Variants in STK39 observed in about 807,000 individuals in gnomAD.
The protein encoded by STK39 is STE20/SPS1-related proline-alanine-rich protein kinase.
Under a neutral mutation model 77.8 loss-of-function variants are expected in STK39, and 20 were observed. That is an observed-to-expected ratio of 0.26 (90% CI 0.18 to 0.37). STK39 has a LOEUF of 0.37. Ranked by LOEUF, STK39 falls within the 10% of genes least tolerant of loss-of-function variation. STK39 has a pLI of 1.00. For missense variants in STK39, 479 were observed against 656.5 expected, an observed-to-expected ratio of 0.73 and a Z score of 2.95; for synonymous variants, 246 against 234.1, an observed-to-expected ratio of 1.05 and a Z score of -0.47.
At chr2:168,081,424 A>G (rs958308499) in intron 10 of STK39, among the ~76,000 whole-genome samples, 11 of 152,160 alleles carry the variant, frequency 7.2e-5, no homozygotes, top group Non-Finnish European at 1.6e-4. Flanking sequence ...TGGTTTGGCC[A>G]ATTTCTCCCA....
intron 16 of STK39, among the ~76,000 whole-genome samples, chr2:167,975,543 C>A (rs887115061): frequency 6.6e-6 from 1 of 152,144 alleles, no homozygotes; most frequent in Non-Finnish European, 1.5e-5. Flanking sequence ...AGGCCGGGCA[C>A]GGTGGCTCAC....
intron 5 of STK39, among the ~76,000 whole-genome samples, chr2:168,158,096 G>A (rs957759560): frequency 6.6e-6 from 1 of 152,092 alleles, no homozygotes; most frequent in Non-Finnish European, 1.5e-5. Context: ...GCATCAAATT[G>A]GAAGATAAAA....
intron 10 of STK39, among the ~76,000 whole-genome samples, chr2:168,124,911 G>T (rs1186699133): frequency 6.6e-6 from 1 of 152,002 alleles, no homozygotes; most frequent in Non-Finnish European, 1.5e-5. Context: ...CTCATGAGTG[G>T]GAGTTGAACA....
At chr2:168,060,192 G>C (rs996700421) in intron 14 of STK39, among the ~76,000 whole-genome samples, 1 of 151,710 alleles carries the variant, frequency 6.6e-6, no homozygotes, top group Non-Finnish European at 1.5e-5. Context: ...AATATGAAAA[G>C]TAATAGTCTA....
At chr2:168,236,177 G>A (rs1442801282) in intron 1 of STK39, among the ~76,000 whole-genome samples, 1 of 152,024 alleles carries the variant, frequency 6.6e-6, no homozygotes, top group Non-Finnish European at 1.5e-5. Flanking sequence ...TCTCATTGTG[G>A]TTTTCATTTG....
intron 2 of STK39, among the ~76,000 whole-genome samples, chr2:168,170,652 C>A (rs1013875709): frequency 2.0e-5 from 3 of 152,156 alleles, no homozygotes; most frequent in Admixed American, 1.3e-4. Flanking sequence ...GTAGACTGAG[C>A]TTTGAAAGAA....
intron 1 of STK39, among the ~76,000 whole-genome samples, chr2:168,237,499 G>C (rs1331449470): frequency 6.6e-6 from 1 of 152,178 alleles, no homozygotes; most frequent in Non-Finnish European, 1.5e-5. Context: ...GGAGTGGTGA[G>C]AGAGTGCATC....
chr2:168,159,337 C>T (rs961609533), intron 5 of STK39, among the ~76,000 whole-genome samples: 1 of 152,082 alleles, frequency 6.6e-6, no homozygotes, highest in Non-Finnish European at 1.5e-5. Context: ...TCACCCCTGC[C>T]GTTGCTGAGT....
intron 14 of STK39, among the ~76,000 whole-genome samples, chr2:168,051,086 T>A (rs1036832002): frequency 6.6e-6 from 1 of 152,218 alleles, no homozygotes; most frequent in Admixed American, 6.5e-5. Flanking sequence ...CCACTCATTA[T>A]CTTCAGGGAT....
intron 5 of STK39, among the ~76,000 whole-genome samples, chr2:168,141,339 C>T (rs952119478): frequency 2.0e-5 from 3 of 152,118 alleles, no homozygotes; most frequent in Non-Finnish European, 4.4e-5. Flanking sequence ...TAGTTAAGTA[C>T]CCCTCATTCG....
intron 2 of STK39, 144 bp downstream of exon 2, chr2:168,181,833 TG>T: frequency 1.6e-6 from 1 of 625,860 alleles, no homozygotes; most frequent in Non-Finnish European, 2.9e-6. Context: ...CCCATTAATC[TG>T]GGGAGCAGGA....
chr2:168,182,138 G>T, intron 1 of STK39, 48 bp from the exon 2 acceptor site: 1 of 1,480,388 alleles, frequency 6.8e-7, no homozygotes. Context: ...CACACTGTGA[G>T]GTTACTATCT....
intron 13 of STK39, 133 bp from the exon 14 acceptor site, chr2:168,063,703 T>G (rs1371043668): frequency 1.4e-6 from 1 of 702,878 alleles, no homozygotes; most frequent in East Asian, 2.9e-5. Flanking sequence ...CACGCAGGCC[T>G]TCTTTGGCAT....
At chr2:168,171,869 C>T (rs60774038) in intron 2 of STK39, among the ~76,000 whole-genome samples, 3,517 of 124,472 alleles carry the variant, frequency 0.028, 188 homozygotes, top group African/African-American at 0.11. Context: ...CCCTCCCCCC[C>T]ACACACAAAA....
At chr2:167,980,525 C>A (rs754640791) in intron 16 of STK39, among the ~76,000 whole-genome samples, 4 of 152,150 alleles carry the variant, frequency 2.6e-5, no homozygotes, top group Non-Finnish European at 2.9e-5. Flanking sequence ...AGGAATGCTA[C>A]CTAAATTATG....
intron 5 of STK39, among the ~76,000 whole-genome samples, chr2:168,141,933 T>G (rs1183398744): frequency 6.7e-6 from 1 of 150,300 alleles, no homozygotes; most frequent in Non-Finnish European, 1.5e-5. Context: ...AGAAATACAT[T>G]GAATGTTGCA....
At chr2:167,973,927 C>T (rs947210848) in intron 16 of STK39, among the ~76,000 whole-genome samples, 4 of 152,076 alleles carry the variant, frequency 2.6e-5, no homozygotes, top group Non-Finnish European at 5.9e-5. Flanking sequence ...CTAATATGCT[C>T]TTTAACAAAA....
intron 10 of STK39, among the ~76,000 whole-genome samples, chr2:168,092,215 G>T (rs1288301688): frequency 6.6e-6 from 1 of 152,150 alleles, no homozygotes; most frequent in Non-Finnish European, 1.5e-5. Context: ...TCTTCACAGG[G>T]ATCAGACACC....
chr2:168,129,451 C>T, intron 10 of STK39, 90 bp downstream of exon 10: 6 of 1,399,276 alleles, frequency 4.3e-6, no homozygotes, highest in Non-Finnish European at 6.0e-6. Context: ...GTATATCCTG[C>T]ATATGTGGAA....
Sources: allele counts gnomAD v4.1 joint callset (sites outside exome capture counted in the v4.1 genomes callset), GRCh38; gene constraint gnomAD v4.1.1; transcripts MANE v1.5; gene names NCBI Gene and HGNC (gene_info 2026-07-23, HGNC 2026-07-21).